Variants in AKT3 observed in about 807,000 individuals in gnomAD.
AKT3 encodes RAC-gamma serine/threonine-protein kinase.
Under a neutral mutation model 65.3 loss-of-function variants are expected in AKT3, and 15 were observed. The ratio of observed to expected loss-of-function variants is 0.23; its 90% CI spans 0.15 to 0.35. The LOEUF is 0.35. Among genes scored for constraint, AKT3 ranks in the 10% least tolerant of loss-of-function variants. The pLI is 1.00. For missense variants in AKT3, 243 were observed against 576.5 expected (o/e 0.42, Z 5.92); for synonymous variants, 206 against 183.8 (o/e 1.12, Z -0.98).
chr1:243,599,026 T>C (rs1432184162), intron 8 of AKT3, among the ~76,000 whole-genome samples: 14 of 152,182 alleles, frequency 9.2e-5, no homozygotes, highest in Non-Finnish European at 8.8e-5. Context: ...ATGTTATTTT[T>C]ATCGTGGTGA....
At chr1:243,713,361 T>G (rs1447422230) in intron 2 of AKT3, among the ~76,000 whole-genome samples, 1 of 152,094 alleles carries the variant, frequency 6.6e-6, no homozygotes, top group Non-Finnish European at 1.5e-5. Flanking sequence ...ACCCCTAAAC[T>G]AATTAACGAA....
intron 12 of AKT3, among the ~76,000 whole-genome samples, chr1:243,522,627 G>C (rs1331620490): frequency 6.6e-6 from 1 of 152,000 alleles, no homozygotes; most frequent in South Asian, 2.1e-4. Flanking sequence ...GACAGAGAGA[G>C]ACCCTGGCTC....
intron 3 of AKT3, among the ~76,000 whole-genome samples, chr1:243,670,915 C>G (rs942056104): frequency 1.3e-5 from 2 of 151,944 alleles, no homozygotes; most frequent in African/African-American, 4.8e-5. Context: ...ACATGTCAGA[C>G]CAAGAAATAC....
intron 4 of AKT3, among the ~76,000 whole-genome samples, chr1:243,659,244 G>A (rs1486215994): frequency 2.6e-5 from 4 of 152,162 alleles, no homozygotes; most frequent in Admixed American, 6.5e-5. Context: ...AAAGTAGAAC[G>A]GTGGTTTCCA....
intron 2 of AKT3, among the ~76,000 whole-genome samples, chr1:243,718,392 C>A (rs1686646059): frequency 6.6e-6 from 1 of 152,004 alleles, no homozygotes; most frequent in Admixed American, 6.6e-5. Flanking sequence ...TAAATCTTCA[C>A]TTTAAAGTTT....
At chr1:243,790,293 A>G (rs1049591845) in intron 2 of AKT3, among the ~76,000 whole-genome samples, 2 of 152,378 alleles carry the variant, frequency 1.3e-5, no homozygotes, top group East Asian at 3.9e-4. Flanking sequence ...GATCTTCGCT[A>G]GATCTTCTGG....
chr1:243,527,918 C>A (rs1240359285), intron 12 of AKT3, among the ~76,000 whole-genome samples: 1 of 96,448 alleles, frequency 1.0e-5, no homozygotes, highest in African/African-American at 4.9e-5. Context: ...CACACACACA[C>A]ACACACACAC....
At chr1:243,681,983 A>C (rs1299016768) in intron 3 of AKT3, among the ~76,000 whole-genome samples, 1 of 152,160 alleles carries the variant, frequency 6.6e-6, no homozygotes, top group Non-Finnish European at 1.5e-5. Context: ...TTAATTATAA[A>C]ATGAGATTAA....
chr1:243,641,491 C>T (rs1680395410), intron 5 of AKT3, among the ~76,000 whole-genome samples: 1 of 151,668 alleles, frequency 6.6e-6, no homozygotes, highest in East Asian at 1.9e-4. Context: ...GAAAATAATA[C>T]TTGCTGTGCC....
chr1:243,656,527 A>T (rs1257552454), intron 4 of AKT3, among the ~76,000 whole-genome samples: 1 of 152,190 alleles, frequency 6.6e-6, no homozygotes. Flanking sequence ...GGGGACCCAA[A>T]AAGAAAGGTA....
intron 2 of AKT3, among the ~76,000 whole-genome samples, chr1:243,708,366 T>C (rs1685938468): frequency 6.6e-6 from 1 of 151,998 alleles, no homozygotes; most frequent in African/African-American, 2.4e-5. Context: ...CTTCTCAATG[T>C]TAAAAATGAA....
chr1:243,508,877 C>T (rs1669843292), intron 13 of AKT3, among the ~76,000 whole-genome samples: 1 of 151,852 alleles, frequency 6.6e-6, no homozygotes. Context: ...CCATGTTGGC[C>T]AGGCTAGTCT....
chr1:243,583,540 C>CAAAAAAAAAAAAAAAAAAAA (rs1294857854), intron 8 of AKT3, among the ~76,000 whole-genome samples: 1 of 30,014 alleles, frequency 3.3e-5, no homozygotes, highest in African/African-American at 1.0e-4. Flanking sequence ...AAGTAAGTCT[C>CAAAAAAAAAAAAAAAAAAAA]AAAAAAAAAA....
rs558930634 is a variant in AKT3, at chr1:243,634,873, C to T, written c.561+2738G>A. ...TAGTTGGAGATTTCAATACCCTACACTCTCAATGATGAATACAACAACCAG... is the reference window on the plus strand; with the variant it reads ...TAGTTGGAGATTTCAATACCCTACATTCTCAATGATGAATACAACAACCAG... On this transcript the variant is annotated intron_variant, in intron 6 of 13. Coordinates refer to ENST00000673466, the MANE Select transcript of AKT3 (RefSeq NM_005465.7). 2.0e-5 allele frequency among the ~76,000 whole-genome samples: 3 copies of T among 152,052 alleles called. No homozygotes were observed. In the South Asian group the frequency reaches 6.2e-4, roughly 32 times the overall value.
intron 8 of AKT3, among the ~76,000 whole-genome samples, chr1:243,574,126 T>C (rs7552982): frequency 0.17 from 25,695 of 152,064 alleles, 2,331 homozygotes; most frequent in South Asian, 0.3. Flanking sequence ...ACATGGATCA[T>C]TGACTCATAA....
intron 2 of AKT3, among the ~76,000 whole-genome samples, chr1:243,758,508 G>C (rs1398488201): frequency 6.6e-6 from 1 of 152,188 alleles, no homozygotes; most frequent in African/African-American, 2.4e-5. Context: ...ACTGAGATCA[G>C]AGAGGTAATG....
intron 2 of AKT3, among the ~76,000 whole-genome samples, chr1:243,773,177 A>C (rs1276965156): frequency 1.3e-5 from 2 of 148,902 alleles, no homozygotes; most frequent in Non-Finnish European, 1.5e-5. Context: ...CCTAGAACTT[A>C]AAGTATAATA....
intron 10 of AKT3, among the ~76,000 whole-genome samples, chr1:243,557,122 G>A (rs1673462735): frequency 1.3e-5 from 2 of 152,074 alleles, no homozygotes; most frequent in East Asian, 1.9e-4. Flanking sequence ...TTTGACAAGA[G>A]AAAGGCTAAA....
intron 2 of AKT3, among the ~76,000 whole-genome samples, chr1:243,833,055 T>A (rs922024742): frequency 6.6e-6 from 1 of 151,672 alleles, no homozygotes; most frequent in Non-Finnish European, 1.5e-5. Context: ...AGGTCAGGAG[T>A]TCGAGACCAG....
Sources: gnomAD v4.1 joint callset for allele counts (sites outside exome capture counted in the v4.1 genomes callset) on GRCh38, gnomAD v4.1.1 for gene constraint, MANE v1.5 for transcripts, NCBI Gene and HGNC (gene_info 2026-07-23, HGNC 2026-07-21) for gene names.